Variants in PPT1 observed in about 807,000 individuals in gnomAD.
PPT1 encodes palmitoyl-protein thioesterase 1.
PPT1 carries 24 observed loss-of-function variants against 44.0 expected under a neutral mutation model. The ratio of observed to expected loss-of-function variants is 0.54; its 90% CI spans 0.39 to 0.77. The LOEUF (loss-of-function observed/expected upper bound fraction) is 0.77, where lower values mean the gene tolerates loss of function less well. Among genes scored for constraint, PPT1 ranks in the 30% least tolerant of loss-of-function variants. The pLI, the probability that PPT1 is intolerant of heterozygous loss-of-function variation, is 0.00. For synonymous variants in PPT1, 148 were observed against 140.2 expected, an observed-to-expected ratio of 1.06 and a Z score of -0.39; for missense variants, 341 against 378.8, an observed-to-expected ratio of 0.90 and a Z score of 0.83.
At position 40,091,404 on chromosome 1, in the gene PPT1, G is replaced by C. The variant is rs112553480; in HGVS notation, c.363-5C>G. 6.2e-7 allele frequency: 1 copy of C among 1,610,724 alleles called. No individual in the cohort carries two copies. The highest frequency in any genetic ancestry group is 1.1e-5 in the South Asian group (1 of 90,866). On this transcript the variant is annotated splice_polypyrimidine_tract_variant and splice_region_variant and intron_variant, in intron 3 of 8. Transcript: ENST00000642050. ...CATCTCTGAGCCACTGCCCTCCTACGGAATAAAAGGGAGTTTTAGCTCCGA... is the reference window on the plus strand; with the variant it reads ...CATCTCTGAGCCACTGCCCTCCTACCGAATAAAAGGGAGTTTTAGCTCCGA...
intron 8 of PPT1, among the ~76,000 whole-genome samples, chr1:40,074,708 A>G (rs1354729193): frequency 6.6e-6 from 1 of 151,898 alleles, no homozygotes; most frequent in Non-Finnish European, 1.5e-5. Flanking sequence ...ACCTCAGGTG[A>G]TCCACGTGCC....
intron 1 of PPT1, among the ~76,000 whole-genome samples, chr1:40,096,438 A>T (rs1649845885): frequency 6.6e-6 from 1 of 150,990 alleles, no homozygotes; most frequent in Non-Finnish European, 1.5e-5. Flanking sequence ...AAAATGGGAA[A>T]CCCAAAATCT....
intron 4 of PPT1, among the ~76,000 whole-genome samples, chr1:40,090,545 T>C (rs1278871494): frequency 2.0e-5 from 3 of 152,224 alleles, no homozygotes; most frequent in African/African-American, 7.2e-5. Context: ...TCCTGGCATA[T>C]AATAGGTTTT....
At chr1:40,072,169 T>C, downstream of PPT1, 1 of 395,114 alleles carries the variant, frequency 2.5e-6, no homozygotes, top group Non-Finnish European at 4.5e-6. Context: ...GTGCCCTTCA[T>C]CCAGGGCAGT....
rs111918709 is a variant in PPT1, at chr1:40,073,742, A to T, written c.*319T>A. On this transcript the variant is annotated 3_prime_UTR_variant, in exon 9 of 9. Transcript: ENST00000642050. ...TAGAATCTATCTCACTACTTTAGTT[A>T]GTTGTCTCCTTTGGGCCTGGGCACA... 187 of 340,412 alleles carry T rather than the reference A, an allele frequency of 5.5e-4. 3 individuals are homozygous for T. The highest frequency in any genetic ancestry group is 3.4e-3 in the African/African-American group (161 of 47,482). The allele number at this position is 340,412 out of a possible 1,614,324, so 21.1% of individuals were successfully genotyped here.
chr1:40,082,938 T>G (rs1340963247), intron 5 of PPT1, among the ~76,000 whole-genome samples: 7 of 152,202 alleles, frequency 4.6e-5, no homozygotes, highest in Non-Finnish European at 1.0e-4. Flanking sequence ...CTCTTGTGAG[T>G]GCCTCATGGA....
In PPT1 at chr1:40,073,456, A is replaced by C. The variant is rs549244542; in HGVS notation, c.*605T>G. 3 of 154,144 alleles carry C rather than the reference A, an allele frequency of 1.9e-5. No homozygotes were observed. The highest frequency in any genetic ancestry group is 7.2e-5 in the African/African-American group (3 of 41,556). 9.5% of individuals were successfully genotyped at this position (154,144 alleles called of 1,614,324 possible). A position where few individuals can be genotyped will look rare whatever the true frequency, so the allele number is the denominator to read the frequency against. On this transcript the variant is annotated 3_prime_UTR_variant, in exon 9 of 9. Coordinates refer to ENST00000642050, the MANE Select transcript of PPT1 (RefSeq NM_000310.4). ...TTGTGACAGCAACTAATTCATCACT[A>C]CCTGAGGAGACAAAGTGGGTGCTGC... is the stretch of plus-strand genomic sequence containing the variant.
chr1:40,088,289 G>A (rs186237766), intron 5 of PPT1, among the ~76,000 whole-genome samples: 50 of 152,200 alleles, frequency 3.3e-4, no homozygotes, highest in Middle Eastern at 3.4e-3. Context: ...TGAGATTACA[G>A]GCGTGCGCCA....
downstream of PPT1, chr1:40,072,099 C>A: frequency 2.5e-6 from 1 of 401,836 alleles, no homozygotes; most frequent in South Asian, 1.2e-4. Context: ...ATTCTCTATT[C>A]TATCCTGGGT....
At chr1:40,092,302 G>A in intron 2 of PPT1, 96 bp downstream of exon 2, 1 of 1,525,458 alleles carries the variant, frequency 6.6e-7, no homozygotes, top group Non-Finnish European at 9.1e-7. Flanking sequence ...ATCACTGTAT[G>A]ATCTGCTGCT....
chr1:40,092,616 G>T, intron 1 of PPT1, 109 bp from the exon 2 acceptor site: 1 of 898,586 alleles, frequency 1.1e-6, no homozygotes, highest in South Asian at 1.3e-5. Context: ...ACAATGTATA[G>T]AATGGAAGAA....
intron 5 of PPT1, among the ~76,000 whole-genome samples, chr1:40,088,908 T>G (rs969992686): frequency 6.6e-5 from 10 of 152,232 alleles, no homozygotes; most frequent in Non-Finnish European, 1.5e-4. Flanking sequence ...AAAATGCCCT[T>G]GTTTTTCTTT....
intron 4 of PPT1, among the ~76,000 whole-genome samples, chr1:40,090,350 G>A (rs35671133): frequency 0.1 from 15,443 of 148,428 alleles, 856 homozygotes; most frequent in East Asian, 0.15. Flanking sequence ...ATATATATAT[G>A]TGTGTGTGTA....
chr1:40,088,814 G>A (rs974085604), intron 5 of PPT1, among the ~76,000 whole-genome samples: 33 of 152,116 alleles, frequency 2.2e-4, no homozygotes, highest in Non-Finnish European at 4.0e-4. Context: ...ATAATTCCTT[G>A]AGCTTAGTAC....
At chr1:40,080,814 C>T (rs1367603925) in intron 5 of PPT1, among the ~76,000 whole-genome samples, 1 of 152,136 alleles carries the variant, frequency 6.6e-6, no homozygotes, top group Non-Finnish European at 1.5e-5. Context: ...GCAGAGGTTG[C>T]AGTGAGCTGA....
chr1:40,074,227 T>C (rs373920842), intron 8 of PPT1, 44 bp from the exon 9 acceptor site: 55 of 1,610,742 alleles, frequency 3.4e-5, no homozygotes, highest in Admixed American at 1.5e-4. Flanking sequence ...CTTAATGAAG[T>C]TTTGGAGTAA....
chr1:40,092,330 C>A (rs1053686889), intron 2 of PPT1, 68 bp downstream of exon 2: 1 of 1,529,986 alleles, frequency 6.5e-7, no homozygotes, highest in Non-Finnish European at 9.1e-7. Context: ...CAAGGCAAAG[C>A]ATTTTAACAG....
intron 5 of PPT1, among the ~76,000 whole-genome samples, chr1:40,081,797 A>G (rs1048374398): frequency 1.3e-5 from 2 of 152,174 alleles, no homozygotes; most frequent in African/African-American, 4.8e-5. Context: ...GTGCTGCTGA[A>G]AAGTTACCCA....
At chr1:40,095,552 C>A (rs1482777296) in intron 1 of PPT1, among the ~76,000 whole-genome samples, 1 of 152,152 alleles carries the variant, frequency 6.6e-6, no homozygotes, top group Non-Finnish European at 1.5e-5. Flanking sequence ...GTCAGCTTGT[C>A]CTACAGGCTT....
Sources: allele counts gnomAD v4.1 joint callset (sites outside exome capture counted in the v4.1 genomes callset), GRCh38; gene constraint gnomAD v4.1.1; transcripts MANE v1.5; gene names NCBI Gene and HGNC (gene_info 2026-07-23, HGNC 2026-07-21).